The following OR3A2 variants were observed in gnomAD, a reference collection of about 807,000 sequenced individuals.
OR3A2 encodes olfactory receptor 3A2.
For synonymous variants in OR3A2, 126 were observed against 159.3 expected, an observed-to-expected ratio of 0.79 and a Z score of 1.57; for missense variants, 318 against 392.8, an observed-to-expected ratio of 0.81 and a Z score of 1.61.
At chr17:3,277,778 G>T in exon 2 of OR3A2, 1 of 616,748 alleles carries the variant, frequency 1.6e-6, no homozygotes, top group Non-Finnish European at 2.7e-6. Flanking sequence ...CCAGATCATA[G>T]AGGTACTCTA....
chr17:3,361,552 T>C (rs1050126222), intron 2 of OR3A2, among the ~76,000 whole-genome samples: 8 of 151,688 alleles, frequency 5.3e-5, no homozygotes, highest in Non-Finnish European at 7.3e-5. Flanking sequence ...GGCTGTGGGT[T>C]TGTCATAGAT....
intron 1 of OR3A2, 56 bp downstream of exon 4, chr17:3,279,020 G>A (rs1236324916): frequency 7.1e-6 from 11 of 1,541,048 alleles, no homozygotes; most frequent in East Asian, 4.5e-5. Flanking sequence ...GCCCCGTGGC[G>A]AGTCCCCAGG....
intron 2 of OR3A2, among the ~76,000 whole-genome samples, chr17:3,352,463 T>G (rs1013970308): frequency 3.3e-5 from 5 of 152,028 alleles, no homozygotes; most frequent in Non-Finnish European, 7.4e-5. Flanking sequence ...GTTTTATTCT[T>G]CTGACTATGG....
At chr17:3,345,560 CAA>C (rs2049357130) in intron 2 of OR3A2, among the ~76,000 whole-genome samples, 1 of 151,882 alleles carries the variant, frequency 6.6e-6, no homozygotes, top group African/African-American at 2.4e-5. Flanking sequence ...TAAAAAGAAA[CAA>C]TATCACAAAA....
intron 2 of OR3A2, among the ~76,000 whole-genome samples, chr17:3,357,611 T>C (rs1181948839): frequency 6.6e-6 from 1 of 151,526 alleles, no homozygotes; most frequent in East Asian, 1.9e-4. Flanking sequence ...TTGGGGAGGA[T>C]GAAAAAGAGG....
chr17:3,343,515 G>A (rs192970470), intron 2 of OR3A2, among the ~76,000 whole-genome samples: 60 of 152,310 alleles, frequency 3.9e-4, no homozygotes, highest in Admixed American at 9.8e-4. Flanking sequence ...AATGTGCTGC[G>A]TCTTGCTTTC....
intron 3 of OR3A2, among the ~76,000 whole-genome samples, chr17:3,301,518 C>T (rs2150626503): frequency 6.6e-6 from 1 of 152,322 alleles, no homozygotes; most frequent in South Asian, 2.1e-4. Flanking sequence ...TCATATACTT[C>T]ACCCACTTTT....
intron 3 of OR3A2, among the ~76,000 whole-genome samples, chr17:3,305,368 A>G (rs2150628200): frequency 6.6e-6 from 1 of 152,352 alleles, no homozygotes; most frequent in South Asian, 2.1e-4. Flanking sequence ...TATGAAGAAT[A>G]TAAGCAGGGG....
Position 3,375,139 on chromosome 17 carries a change from C to CT in OR3A2, c.-179+8664dup, listed in dbSNP as rs552615698. 9.3e-3 allele frequency among the ~76,000 whole-genome samples: 266 copies of CT among 28,678 alleles called. 45 individuals are homozygous for CT. Among genetic ancestry groups the CT allele is most frequent in the Non-Finnish European group, 0.014 (206 of 14,818 alleles). The allele number at this position is 28,678 out of a possible 152,430, so 18.8% of individuals were successfully genotyped here. A position where few individuals can be genotyped will look rare whatever the true frequency, so the allele number is the denominator to read the frequency against. ...TATCTGGCAATTCAGAGCCTTCTTC[C>CT]TTTTTTTTTTTTTTTTTTTTTTTTT... On this transcript the variant is annotated intron_variant, in intron 2 of 4. Coordinates refer to the OR3A2 transcript ENST00000573491.
chr17:3,377,159 T>G (rs1336378755), intron 2 of OR3A2, among the ~76,000 whole-genome samples: 1 of 152,166 alleles, frequency 6.6e-6, no homozygotes, highest in African/African-American at 2.4e-5. Context: ...CTTCCTGTAG[T>G]GATTCTTGTA....
intron 1 of OR3A2, among the ~76,000 whole-genome samples, chr17:3,384,648 T>G (rs2049763891): frequency 6.6e-6 from 1 of 152,146 alleles, no homozygotes; most frequent in South Asian, 2.1e-4. Context: ...GTCAAACTGT[T>G]TGGGGGCAGA....
exon 2 of OR3A2, chr17:3,278,540 G>A (rs775305453): frequency 6.2e-7 from 1 of 1,613,356 alleles, no homozygotes; most frequent in Non-Finnish European, 8.5e-7. Context: ...AGATGGCCAG[G>A]AGTCGGTCAT....
At chr17:3,292,259 A>C in intron 3 of OR3A2, 1 of 1,614,162 alleles carries the variant, frequency 6.2e-7, no homozygotes. Flanking sequence ...CAACGAACAG[A>C]TGGAAGAAGA....
Position 3,371,245 on chromosome 17 carries a change from G to A in OR3A2, c.-179+12559C>T, listed in dbSNP as rs2049614969. ...GGTGGGGCGGCTGGCCAGGCGAGGG[G>A]CTGACCTCCTCACCTCCCTCCCGGA... On this transcript the variant is annotated intron_variant, in intron 2 of 4. Coordinates refer to the OR3A2 transcript ENST00000573491. Among the ~76,000 whole-genome samples, 5 of 151,538 alleles carry A rather than the reference G, an allele frequency of 3.3e-5. No homozygotes were observed. The South Asian group carries it at 1.0e-3, about 32-fold the overall frequency.
intron 3 of OR3A2, among the ~76,000 whole-genome samples, chr17:3,312,760 AT>A (rs2049054460): frequency 1.3e-5 from 2 of 152,198 alleles, no homozygotes; most frequent in South Asian, 4.2e-4. Context: ...GATAGCTGGG[AT>A]TACAGGTGCC....
At chr17:3,281,316 C>A (rs536472643) in intron 1 of OR3A2, among the ~76,000 whole-genome samples, 23 of 151,890 alleles carry the variant, frequency 1.5e-4, no homozygotes, top group Admixed American at 1.2e-3. Context: ...TCACTGCAAC[C>A]TCCGCCTCCC....
At chr17:3,383,831 G>C (rs1041629133) in exon 2 of OR3A2, 2 of 152,044 alleles carry the variant, frequency 1.3e-5, no homozygotes, top group Non-Finnish European at 2.9e-5. Context: ...AGTTTGCCTT[G>C]GAGTTTGTCC....
At chr17:3,386,268 C>G in exon 1 of OR3A2, 1 of 398,788 alleles carries the variant, frequency 2.5e-6, no homozygotes, top group Non-Finnish European at 4.4e-6. Context: ...CCGAGAGCTA[C>G]CTCCTGGCGG....
chr17:3,335,073 A>G (rs1008875334), intron 3 of OR3A2, among the ~76,000 whole-genome samples: 1 of 152,164 alleles, frequency 6.6e-6, no homozygotes, highest in Non-Finnish European at 1.5e-5. Context: ...TCTGCTTATG[A>G]GTGAAGCCAT....
Sources: gnomAD v4.1 joint callset for allele counts (sites outside exome capture counted in the v4.1 genomes callset) on GRCh38, gnomAD v4.1.1 for gene constraint, MANE v1.5 for transcripts, NCBI Gene and HGNC (gene_info 2026-07-23, HGNC 2026-07-21) for gene names.